The following EML6 variants were observed in gnomAD, a reference collection of about 807,000 sequenced individuals.
EML6 encodes echinoderm microtubule-associated protein-like 6.
In EML6, 154 loss-of-function variants were observed where a neutral mutation model predicts 240.1. The observed-to-expected ratio is 0.64, with a 90% CI of 0.56 to 0.73. The LOEUF (loss-of-function observed/expected upper bound fraction) is 0.73. Among genes scored for constraint, EML6 ranks in the 30% least tolerant of loss-of-function variants. The pLI is 0.00. For synonymous variants in EML6, 1,148 were observed against 899.0 expected (o/e 1.28, Z -4.95); for missense variants, 2,964 against 2,474.6 (o/e 1.20, Z -4.20).
intron 2 of EML6, among the ~76,000 whole-genome samples, chr2:54,810,275 G>A (rs989887858): frequency 2.0e-5 from 3 of 152,202 alleles, no homozygotes; most frequent in Admixed American, 2.0e-4. Flanking sequence ...ATATGAATGA[G>A]AAGAACAATA....
intron 2 of EML6, among the ~76,000 whole-genome samples, chr2:54,768,124 T>C (rs1406939626): frequency 6.6e-6 from 1 of 152,186 alleles, no homozygotes; most frequent in African/African-American, 2.4e-5. Flanking sequence ...ATTGGTGATA[T>C]CCTGTTTCAG....
chr2:54,893,492 C>G (rs1372804173), intron 19 of EML6, among the ~76,000 whole-genome samples: 1 of 152,142 alleles, frequency 6.6e-6, no homozygotes, highest in Non-Finnish European at 1.5e-5. Context: ...CCCTCATGGT[C>G]TAGTCAACTC....
intron 3 of EML6, among the ~76,000 whole-genome samples, 182 bp downstream of exon 3, chr2:54,813,573 C>T (rs1667955668): frequency 6.6e-6 from 1 of 152,168 alleles, no homozygotes; most frequent in African/African-American, 2.4e-5. Flanking sequence ...AAACTCTGGA[C>T]AGGCCTTGGT....
intron 2 of EML6, among the ~76,000 whole-genome samples, chr2:54,759,653 A>C (rs1012745988): frequency 4.1e-4 from 62 of 152,080 alleles, no homozygotes; most frequent in Admixed American, 3.5e-3. Context: ...ACATGTACCA[A>C]CTCATTTAAA....
intron 9 of EML6, 144 bp from the exon 10 acceptor site, chr2:54,849,818 A>G (rs1669974126): frequency 4.3e-6 from 3 of 698,866 alleles, no homozygotes; most frequent in Non-Finnish European, 6.9e-6. Context: ...ATAACATTTT[A>G]TATATTTACT....
At chr2:54,969,872 C>A (rs1676914417) in intron 41 of EML6, among the ~76,000 whole-genome samples, 199 bp from the exon 42 acceptor site, 1 of 152,098 alleles carries the variant, frequency 6.6e-6, no homozygotes, top group South Asian at 2.1e-4. Context: ...AAACAGAACT[C>A]AACTGAAAAA....
intron 25 of EML6, among the ~76,000 whole-genome samples, chr2:54,915,487 T>A (rs1167974900): frequency 1.3e-5 from 2 of 152,128 alleles, no homozygotes. Flanking sequence ...GGGACTCCAA[T>A]TCTAAAACTG....
rs1448292086 is a variant in EML6 at position 54,869,150 on chromosome 2, C to G, written c.2052-31C>G. On this transcript the variant is annotated intron_variant, in intron 14 of 41. Coordinates refer to ENST00000356458, the MANE Select transcript of EML6 (RefSeq NM_001039753.4). ...CTCCATGCATTTGCTGTTTGTTCAA[C>G]CACTATGCATTTCTTGGACCTGTGC... 4.8e-6 allele frequency: 7 copies of G among 1,472,790 alleles called. No individual in the cohort carries two copies. In the East Asian group the frequency reaches 1.5e-4, roughly 31 times the overall value. The allele number at this position is 1,472,790 out of a possible 1,614,324, so 91.2% of individuals were successfully genotyped here.
intron 5 of EML6, among the ~76,000 whole-genome samples, chr2:54,825,673 A>G (rs556250322): frequency 7.2e-5 from 11 of 152,312 alleles, no homozygotes; most frequent in Non-Finnish European, 1.5e-4. Context: ...TTGGTCCTTC[A>G]TTGTGTATCT....
intron 2 of EML6, among the ~76,000 whole-genome samples, chr2:54,732,090 C>T (rs1440694478): frequency 6.6e-6 from 1 of 152,094 alleles, no homozygotes; most frequent in Non-Finnish European, 1.5e-5. Flanking sequence ...AACTTACTAG[C>T]CATTTGTATA....
At chr2:54,953,601 G>A (rs778192330) in intron 31 of EML6, among the ~76,000 whole-genome samples, 1 of 152,142 alleles carries the variant, frequency 6.6e-6, no homozygotes, top group Non-Finnish European at 1.5e-5. Context: ...CTTAAAAAAG[G>A]CTTTTGCAGG....
chr2:54,750,259 A>C (rs1684099236), intron 2 of EML6, among the ~76,000 whole-genome samples: 1 of 152,152 alleles, frequency 6.6e-6, no homozygotes, highest in South Asian at 2.1e-4. Context: ...ACGGGACTCA[A>C]GCTTTAGACC....
chr2:54,735,267 G>A (rs1287996456), intron 2 of EML6, among the ~76,000 whole-genome samples: 1 of 152,186 alleles, frequency 6.6e-6, no homozygotes, highest in African/African-American at 2.4e-5. Context: ...ACTTACCCAT[G>A]TTTCCATCTG....
At position 54,831,491 on chromosome 2, in the gene EML6, A is replaced by C. The variant is rs1406000292; in HGVS notation, c.847+2014A>C. 1.3e-5 allele frequency among the ~76,000 whole-genome samples: 2 copies of C among 152,054 alleles called. 1 individual carries two copies. Among genetic ancestry groups the C allele is most frequent in the African/African-American group, 4.8e-5 (2 of 41,400 alleles). The stretch of plus-strand genomic sequence containing the variant: ...CCCCACAGCCAACTCCCATCTACAG[A>C]GTTAGGACAGTCAGCGACGCCCTCC... On this transcript the variant is annotated intron_variant, in intron 7 of 41. Coordinates refer to ENST00000356458, the MANE Select transcript of EML6 (RefSeq NM_001039753.4).
At chr2:54,838,474 A>G (rs1222732393) in intron 7 of EML6, among the ~76,000 whole-genome samples, 1 of 152,246 alleles carries the variant, frequency 6.6e-6, no homozygotes, top group African/African-American at 2.4e-5. Context: ...AACGGCTGGT[A>G]TATAAATCCA....
intron 16 of EML6, among the ~76,000 whole-genome samples, chr2:54,877,985 C>T (rs183106303): frequency 9.4e-4 from 143 of 152,268 alleles, no homozygotes; most frequent in African/African-American, 3.2e-3. Context: ...CATTGGTTAG[C>T]AATTGAGATG....
intron 2 of EML6, among the ~76,000 whole-genome samples, chr2:54,763,792 G>T (rs999205573): frequency 2.0e-5 from 3 of 152,162 alleles, no homozygotes; most frequent in Non-Finnish European, 4.4e-5. Context: ...GTAGGGTGAG[G>T]GTTTGGAAAG....
intron 2 of EML6, among the ~76,000 whole-genome samples, chr2:54,799,938 C>T (rs1670029730): frequency 6.6e-6 from 1 of 152,176 alleles, no homozygotes; most frequent in Non-Finnish European, 1.5e-5. Context: ...CTGGTTGGTA[C>T]ACTTTATAAA....
intron 2 of EML6, among the ~76,000 whole-genome samples, chr2:54,779,474 A>C (rs954393090): frequency 6.8e-6 from 1 of 146,362 alleles, no homozygotes; most frequent in African/African-American, 2.6e-5. Flanking sequence ...TGAACTCGGG[A>C]GGTGGAGGTT....
Sources: allele counts gnomAD v4.1 joint callset (sites outside exome capture counted in the v4.1 genomes callset), GRCh38; gene constraint gnomAD v4.1.1; transcripts MANE v1.5; gene names NCBI Gene and HGNC (gene_info 2026-07-23, HGNC 2026-07-21).